The following MACF1 variants were observed in gnomAD, a reference collection of about 807,000 sequenced individuals.
MACF1 encodes the protein microtubule actin crosslinking factor 1, also known as microtubule-actin cross-linking factor 1.
In MACF1, 193 loss-of-function variants were observed where a neutral mutation model predicts 854.8. The ratio of observed to expected loss-of-function variants is 0.23; its 90% confidence interval spans 0.20 to 0.25. The LOEUF is 0.25. Among genes scored for constraint, MACF1 ranks in the 10% least tolerant of loss-of-function variants. The probability of loss-of-function intolerance (pLI) is 1.00; values close to 1 mark genes in which losing one functional copy is unlikely to be tolerated. For synonymous variants in MACF1, 3,185 were observed against 3,226.7 expected (o/e 0.99, Z 0.44); for missense variants, 7,722 against 8,929.1 (o/e 0.86, Z 5.45).
At chr1:39,204,427 CT>C (rs1443019917), upstream of MACF1, 1 of 152,918 alleles carries the variant, frequency 6.5e-6, no homozygotes, top group African/African-American at 2.4e-5. Context: ...CTCCTTGCTT[CT>C]CCTCCCGGGT....
intron 1 of MACF1, among the ~76,000 whole-genome samples, chr1:39,210,683 G>A (rs1168081648): frequency 1.3e-5 from 2 of 152,066 alleles, no homozygotes; most frequent in African/African-American, 4.8e-5. Flanking sequence ...AAAGACTAAG[G>A]TCTCTAACTT....
intron 2 of MACF1, among the ~76,000 whole-genome samples, chr1:39,141,441 A>G (rs753842858): frequency 6.6e-6 from 1 of 152,200 alleles, no homozygotes; most frequent in Non-Finnish European, 1.5e-5. Flanking sequence ...GCATGGACTC[A>G]AGCTGCTGAG....
chr1:39,486,071 A>T lies in MACF1; in HGVS notation c.*277A>T, dbSNP rs551344914. On this transcript the variant is annotated 3_prime_UTR_variant, in exon 101 of 101. Coordinates refer to ENST00000564288, the MANE Select transcript of MACF1 (RefSeq NM_001394062.1). Reference sequence around the variant, plus strand: ...AAAGGTCAAGATACAAATGTGTATTAAAAAAAAAAAAGCCTATTAATAGGG... The same window carrying T: ...AAAGGTCAAGATACAAATGTGTATTTAAAAAAAAAAAGCCTATTAATAGGG... 3.3e-4 allele frequency: 49 copies of T among 146,550 alleles called. 1 individual carries two copies. The highest frequency in any genetic ancestry group is 1.3e-3 in the East Asian group (4 of 3,104). 9.1% of individuals were successfully genotyped at this position (146,550 alleles called of 1,614,324 possible).
At chr1:39,251,976 G>A in intron 4 of MACF1, 35 bp downstream of exon 4, 1 of 1,392,842 alleles carries the variant, frequency 7.2e-7, no homozygotes, top group Non-Finnish European at 9.5e-7. Context: ...ATCCCAGCTG[G>A]CACTGCTGGC....
chr1:39,310,973 C>G lies in MACF1; in HGVS notation c.3243C>G (p.Asp1081Glu). ...SSRTDRDAWQ[D>E]NALRIAEQEH... ...GGACTGACAGAGATGCCTGGCAGGA[C>G]AATGCATTAAGGATTGCAGAGCAAG... Residue 1081 changes from aspartate to glutamate, a missense_variant, in exon 26 of 101, where the codon GAC becomes GAG. Around this residue, in one of 15 missense-constraint regions of MACF1, gnomAD observed 1,137 missense variants for 1,263.0 expected, o/e 0.90. Transcript: ENST00000564288. 1 of 1,613,850 alleles carries G rather than the reference C, an allele frequency of 6.2e-7. No individual in the cohort carries two copies. The highest frequency in any genetic ancestry group is 8.5e-7 in the Non-Finnish European group (1 of 1,179,896).
chr1:39,461,083 CAA>C (rs1284550970), intron 92 of MACF1, among the ~76,000 whole-genome samples: 39 of 63,444 alleles, frequency 6.1e-4, no homozygotes, highest in Admixed American at 9.5e-4. Flanking sequence ...GACTCTGTCT[CAA>C]AAAAAAAAAA....
chr1:39,451,340 G>A, intron 85 of MACF1, 129 bp downstream of exon 85: 3 of 952,240 alleles, frequency 3.2e-6, no homozygotes. Context: ...GTTGCTTTGT[G>A]TGTTTAAACA....
chr1:39,287,677 ATTC>A (rs984549121), intron 15 of MACF1, 115 bp downstream of exon 15: 11 of 1,183,746 alleles, frequency 9.3e-6, no homozygotes, highest in Admixed American at 2.2e-5. Context: ...AATTATTATT[ATTC>A]TTTTATTTGA....
chr1:39,149,206 A>AGTGCCC (rs1643524313), intron 2 of MACF1, among the ~76,000 whole-genome samples: 2 of 152,166 alleles, frequency 1.3e-5, no homozygotes, highest in South Asian at 4.1e-4. Context: ...TGGGTTGGGT[A>AGTGCCC]AAGGGTAGTG....
At chr1:39,153,818 C>G (rs1643629772) in intron 2 of MACF1, among the ~76,000 whole-genome samples, 1 of 152,192 alleles carries the variant, frequency 6.6e-6, no homozygotes, top group South Asian at 2.1e-4. Flanking sequence ...CATTTTCTGT[C>G]CAGCAGACCA....
chr1:39,341,179 G>A (rs1470655322), intron 40 of MACF1, among the ~76,000 whole-genome samples: 2 of 151,222 alleles, frequency 1.3e-5, no homozygotes, highest in Admixed American at 6.6e-5. Flanking sequence ...GACTATAGGC[G>A]CCTACCTCCA....
At chr1:39,265,903 T>G (rs1416609534) in intron 6 of MACF1, among the ~76,000 whole-genome samples, 1 of 152,180 alleles carries the variant, frequency 6.6e-6, no homozygotes, top group Non-Finnish European at 1.5e-5. Flanking sequence ...ATTAACCTTG[T>G]CTACAATCCC....
intron 2 of MACF1, among the ~76,000 whole-genome samples, chr1:39,160,695 T>C (rs1337349158): frequency 6.6e-6 from 1 of 152,222 alleles, no homozygotes; most frequent in Non-Finnish European, 1.5e-5. Flanking sequence ...TTAGTCCTTA[T>C]CATTTTTTGG....
At chr1:39,286,107 G>A (rs930991288) in intron 14 of MACF1, among the ~76,000 whole-genome samples, 1 of 152,042 alleles carries the variant, frequency 6.6e-6, no homozygotes, top group Non-Finnish European at 1.5e-5. Flanking sequence ...TCGACTTCCT[G>A]GGCTCAAGCG....
chr1:39,311,005 G>A lies in MACF1; in HGVS notation c.3270+5G>A. 6.2e-7 allele frequency: 1 copy of A among 1,608,452 alleles called. No individual in the cohort carries two copies. The highest frequency in any genetic ancestry group is 8.5e-7 in the Non-Finnish European group (1 of 1,177,430). ...TTAAGGATTGCAGAGCAAGAGGTAA[G>A]CCCTAAGAGCCATGTGGATGCTGGT... On this transcript the variant is annotated splice_donor_5th_base_variant and intron_variant, in intron 26 of 100. Transcript: ENST00000564288.
intron 57 of MACF1, 71 bp from the exon 58 acceptor site, chr1:39,387,116 A>C: frequency 1.3e-6 from 2 of 1,528,818 alleles, no homozygotes; most frequent in South Asian, 1.3e-5. Context: ...ATTAGACCGT[A>C]TACTCTCAGC....
At chr1:39,158,267 G>A (rs568373626) in intron 2 of MACF1, among the ~76,000 whole-genome samples, 4 of 152,252 alleles carry the variant, frequency 2.6e-5, no homozygotes, top group African/African-American at 9.6e-5. Flanking sequence ...GGTATCCATG[G>A]AGAGGGTCCT....
chr1:39,427,195 T>C (rs1056676658), intron 61 of MACF1, among the ~76,000 whole-genome samples: 14 of 152,214 alleles, frequency 9.2e-5, no homozygotes, highest in Non-Finnish European at 7.3e-5. Context: ...CTGAACTTTC[T>C]CTTTTATAAT....
intron 2 of MACF1, among the ~76,000 whole-genome samples, chr1:39,175,941 CAAAAA>C (rs68102262): frequency 1.9e-4 from 19 of 98,566 alleles, no homozygotes; most frequent in Admixed American, 1.8e-3. Flanking sequence ...ACTAAAAATA[CAAAAA>C]AAAAAAAAAA....
Sources: gnomAD v4.1 joint callset for allele counts (sites outside exome capture counted in the v4.1 genomes callset) on GRCh38, gnomAD v4.1.1 for gene constraint, gnomAD v4.1.1 regional missense constraint, MANE v1.5 for transcripts, NCBI Gene and HGNC (gene_info 2026-07-23, HGNC 2026-07-21) for gene names.